The following ADGB variants were observed in gnomAD, a reference collection of about 807,000 sequenced individuals.
The protein encoded by ADGB is androglobin.
In ADGB, 172 loss-of-function variants were observed where a neutral mutation model predicts 210.5. The ratio of observed to expected loss-of-function variants is 0.82; its 90% CI spans 0.72 to 0.93. The LOEUF is 0.93. Among genes scored for constraint, ADGB ranks in the 40% least tolerant of loss-of-function variants. The pLI is 0.00. For synonymous variants in ADGB, 658 were observed against 662.7 expected, an observed-to-expected ratio of 0.99 and a Z score of 0.11; for missense variants, 2,025 against 1,964.8, an observed-to-expected ratio of 1.03 and a Z score of -0.58.
At chr6:146,782,283 G>A (rs910601067) in intron 30 of ADGB, 91 bp downstream of exon 30, 1 of 1,194,456 alleles carries the variant, frequency 8.4e-7, no homozygotes. Context: ...ACAAAACCGT[G>A]AAACATTCTT....
chr6:146,668,004 C>T (rs908139164), intron 7 of ADGB, among the ~76,000 whole-genome samples: 1 of 152,006 alleles, frequency 6.6e-6, no homozygotes, highest in African/African-American at 2.4e-5. Context: ...AGAGAAATTG[C>T]TTCTTTATGT....
chr6:146,662,098 G>C (rs1420308153), intron 5 of ADGB, among the ~76,000 whole-genome samples: 2 of 152,028 alleles, frequency 1.3e-5, no homozygotes, highest in African/African-American at 4.8e-5. Context: ...AATTCGATCT[G>C]TCTGGCTGTA....
At chr6:146,602,003 A>G (rs558554050) in intron 1 of ADGB, among the ~76,000 whole-genome samples, 1 of 152,250 alleles carries the variant, frequency 6.6e-6, no homozygotes, top group Non-Finnish European at 1.5e-5. Flanking sequence ...TGATTACGGT[A>G]GAATCATCTA....
At chr6:146,714,128 T>C (rs1045222887) in intron 13 of ADGB, among the ~76,000 whole-genome samples, 5 of 152,226 alleles carry the variant, frequency 3.3e-5, no homozygotes, top group African/African-American at 9.6e-5. Context: ...TATAAGAATC[T>C]CTCCTCAATT....
At chr6:146,764,256 C>A (rs1323912918) in intron 28 of ADGB, among the ~76,000 whole-genome samples, 156 bp downstream of exon 28, 1 of 152,074 alleles carries the variant, frequency 6.6e-6, no homozygotes, top group African/African-American at 2.4e-5. Flanking sequence ...TTTCTCTGTG[C>A]CAAGATCTTT....
chr6:146,763,920 A>G lies in ADGB; in HGVS notation c.3570A>G (p.Ser1190=), dbSNP rs1777537593. The change falls in exon 28 of 36, where the codon TCA becomes TCG. Residue 1190 remains serine, a synonymous_variant. Coordinates refer to ENST00000397944, the MANE Select transcript of ADGB (RefSeq NM_024694.4). The part of the protein sequence containing the change: ...LSSQSSKHIL[S]FHSASKKEQE... ...ATTCAGCTAGCAAGCACATTCTTTC[A>G]TTTCACTCTGCATCCAAGAAAGAGC... The G allele has an allele frequency of 6.4e-7, 1 of 1,550,698 alleles. No individual in the cohort carries two copies. Among genetic ancestry groups the G allele is most frequent in the Non-Finnish European group, 8.7e-7 (1 of 1,146,636 alleles).
At chr6:146,723,934 A>G (rs1220571327) in intron 17 of ADGB, among the ~76,000 whole-genome samples, 1 of 152,162 alleles carries the variant, frequency 6.6e-6, no homozygotes, top group Non-Finnish European at 1.5e-5. Context: ...TCCTGATTCT[A>G]ATTTTCCTAT....
intron 16 of ADGB, among the ~76,000 whole-genome samples, chr6:146,719,737 C>T (rs1324979966): frequency 6.6e-6 from 1 of 152,176 alleles, no homozygotes; most frequent in African/African-American, 2.4e-5. Flanking sequence ...CCTCAATTCG[C>T]AGGCCCTTGA....
intron 35 of ADGB, among the ~76,000 whole-genome samples, chr6:146,813,734 C>G (rs1213084890): frequency 1.3e-5 from 2 of 152,120 alleles, no homozygotes; most frequent in Non-Finnish European, 2.9e-5. Flanking sequence ...GATTACAAAA[C>G]AAAAGGGAAT....
chr6:146,609,598 A>G (rs1562254104), intron 1 of ADGB, among the ~76,000 whole-genome samples: 1 of 152,112 alleles, frequency 6.6e-6, no homozygotes, highest in Admixed American at 6.5e-5. Flanking sequence ...TTTCATTTCC[A>G]TATTTAGCAC....
At position 146,782,204 on chromosome 6, in the gene ADGB, ATTT is replaced by A; in HGVS notation, c.4035+18_4035+20del. 2.7e-6 allele frequency: 4 copies of A among 1,504,352 alleles called. No homozygotes were observed. The highest frequency in any genetic ancestry group is 2.7e-6 in the Non-Finnish European group (3 of 1,129,464). The allele number at this position is 1,504,352 out of a possible 1,614,324, so 93.2% of individuals were successfully genotyped here. A position where few individuals can be genotyped will look rare whatever the true frequency, so the allele number is the denominator to read the frequency against. On this transcript the variant is annotated intron_variant, in intron 30 of 35. Transcript: ENST00000397944. ...GCTTTGAGCCTCAGGTGGGTGTGGA[ATTT>A]TTTTTATTTGAGTGACTTAATGATT...
chr6:146,812,748 G>C (rs575573428), intron 35 of ADGB, among the ~76,000 whole-genome samples: 2 of 152,308 alleles, frequency 1.3e-5, no homozygotes, highest in East Asian at 1.9e-4. Context: ...CAGATCTAAA[G>C]TTTTCAATGA....
At chr6:146,746,485 T>C (rs1777239927) in intron 26 of ADGB, among the ~76,000 whole-genome samples, 1 of 152,228 alleles carries the variant, frequency 6.6e-6, no homozygotes, top group Admixed American at 6.5e-5. Flanking sequence ...TCTCCTTAAA[T>C]AGCCTAATCA....
At chr6:146,794,331 A>G (rs1778005038) in intron 33 of ADGB, among the ~76,000 whole-genome samples, 1 of 152,138 alleles carries the variant, frequency 6.6e-6, no homozygotes, top group Non-Finnish European at 1.5e-5. Flanking sequence ...TTGCCAAGGT[A>G]GCTCCGGTGA....
At position 146,615,453 on chromosome 6, in the gene ADGB, C is replaced by A. The variant is rs73588048; in HGVS notation, c.74+16339C>A. On this transcript the variant is annotated intron_variant, in intron 1 of 35. Coordinates refer to ENST00000397944, the MANE Select transcript of ADGB (RefSeq NM_024694.4). The stretch of plus-strand genomic sequence containing the variant: ...TTGTGTTGAGAACACTCCAAATTTT[C>A]TCTTTCTGCTATTTTGATATATACA... 9.9e-3 allele frequency among the ~76,000 whole-genome samples: 1,505 copies of A among 152,272 alleles called. 30 individuals carry two copies. Among genetic ancestry groups the A allele is most frequent in the African/African-American group, 0.033 (1,363 of 41,538 alleles).
chr6:146,789,314 G>C (rs1482406395), intron 33 of ADGB, among the ~76,000 whole-genome samples: 1 of 152,182 alleles, frequency 6.6e-6, no homozygotes, highest in African/African-American at 2.4e-5. Context: ...AGCTTCAGGT[G>C]ATCATGGCCC....
chr6:146,741,376 C>T (rs147648360), intron 25 of ADGB, 105 bp downstream of exon 25: 121 of 1,026,436 alleles, frequency 1.2e-4, no homozygotes, highest in Admixed American at 9.1e-4. Context: ...ATCTACTTAA[C>T]AGACAAATAA....
rs117171601 is a variant in ADGB, at chr6:146,605,679, C to T, written c.74+6565C>T. On this transcript the variant is annotated intron_variant, in intron 1 of 35. Coordinates refer to ENST00000397944, the MANE Select transcript of ADGB (RefSeq NM_024694.4). ...CCCTGTCATAGTCATCTGCAGCACC[C>T]GGGACAACACTTGGCACAGATTTGG... Among the ~76,000 whole-genome samples, 724 of 152,150 alleles carry T rather than the reference C, an allele frequency of 4.8e-3. 22 individuals are homozygous for T. In the East Asian group the frequency reaches 0.096, roughly 20 times the overall value.
At chr6:146,715,323 G>A (rs963414461) in intron 13 of ADGB, 59 bp from the exon 14 acceptor site, 1 of 1,309,972 alleles carries the variant, frequency 7.6e-7, no homozygotes, top group Non-Finnish European at 1.1e-6. Context: ...AGTAACTTTG[G>A]TGCTTTGGAT....
Sources: allele counts gnomAD v4.1 joint callset (sites outside exome capture counted in the v4.1 genomes callset), GRCh38; gene constraint gnomAD v4.1.1; transcripts MANE v1.5; gene names NCBI Gene and HGNC (gene_info 2026-07-23, HGNC 2026-07-21).